MNAT1: variants seen among roughly 807,000 people sequenced by gnomAD.
MNAT1 encodes CDK-activating kinase assembly factor MAT1.
Under a neutral mutation model 42.0 loss-of-function variants are expected in MNAT1, and 43 were observed. The ratio of observed to expected loss-of-function variants is 1.02; its 90% CI spans 0.80 to 1.32. MNAT1 has a LOEUF of 1.32. Among genes scored for constraint, MNAT1 ranks in the 40% most tolerant of loss-of-function variants. MNAT1 has a pLI of 0.00. For missense variants in MNAT1, 306 were observed against 350.4 expected (o/e 0.87, Z 1.01); for synonymous variants, 118 against 120.0 (o/e 0.98, Z 0.11).
At chr14:60,936,738 C>A (rs2036006247) in intron 7 of MNAT1, among the ~76,000 whole-genome samples, 1 of 152,144 alleles carries the variant, frequency 6.6e-6, no homozygotes, top group African/African-American at 2.4e-5. Flanking sequence ...TGGGTATATA[C>A]CCAGTAATGG....
At chr14:60,774,621 A>G (rs1019472437) in intron 1 of MNAT1, among the ~76,000 whole-genome samples, 1 of 152,208 alleles carries the variant, frequency 6.6e-6, no homozygotes, top group Non-Finnish European at 1.5e-5. Context: ...CAGTTGGGAA[A>G]TCTTAGCAGT....
intron 6 of MNAT1, among the ~76,000 whole-genome samples, chr14:60,820,536 C>CTT (rs754720202): frequency 7.3e-6 from 1 of 136,666 alleles, no homozygotes; most frequent in African/African-American, 2.7e-5. Flanking sequence ...TCTTTTGCAA[C>CTT]TTTTTTTTTT....
intron 7 of MNAT1, among the ~76,000 whole-genome samples, chr14:60,885,999 G>A (rs898511506): frequency 2.0e-5 from 3 of 151,922 alleles, no homozygotes; most frequent in African/African-American, 7.2e-5. Context: ...TTCTCTCAGT[G>A]CCATTGACTA....
chr14:60,886,821 A>C (rs948978965), intron 7 of MNAT1, among the ~76,000 whole-genome samples: 1 of 152,108 alleles, frequency 6.6e-6, no homozygotes, highest in Non-Finnish European at 1.5e-5. Flanking sequence ...GCAGAGAGGC[A>C]TAATTTTACT....
At chr14:60,822,229 G>T (rs762086431) in intron 6 of MNAT1, among the ~76,000 whole-genome samples, 2 of 152,018 alleles carry the variant, frequency 1.3e-5, no homozygotes, top group African/African-American at 4.8e-5. Flanking sequence ...TCTGTGTTTC[G>T]TAATGTTCTA....
At chr14:60,844,271 A>G (rs916169004) in intron 6 of MNAT1, among the ~76,000 whole-genome samples, 4 of 152,146 alleles carry the variant, frequency 2.6e-5, no homozygotes, top group Admixed American at 1.3e-4. Context: ...AATTCTTGGT[A>G]AAAGTATAAT....
At chr14:60,790,599 A>G (rs2140321666) in intron 1 of MNAT1, among the ~76,000 whole-genome samples, 1 of 152,290 alleles carries the variant, frequency 6.6e-6, no homozygotes, top group Admixed American at 6.5e-5. Flanking sequence ...TCAATATAAA[A>G]TGTATAAAAG....
intron 7 of MNAT1, among the ~76,000 whole-genome samples, chr14:60,960,366 G>A (rs1318350538): frequency 2.0e-5 from 3 of 152,154 alleles, no homozygotes; most frequent in Admixed American, 1.3e-4. Flanking sequence ...CTAGGCCTCT[G>A]CCTTAGGCCC....
At chr14:60,748,531 C>T (rs1356768283) in intron 1 of MNAT1, among the ~76,000 whole-genome samples, 4 of 152,118 alleles carry the variant, frequency 2.6e-5, no homozygotes, top group Non-Finnish European at 5.9e-5. Context: ...ACACGTGGCC[C>T]TATTTTTGTT....
intron 5 of MNAT1, among the ~76,000 whole-genome samples, chr14:60,815,676 T>C (rs1008625523): frequency 6.6e-6 from 1 of 152,190 alleles, no homozygotes; most frequent in African/African-American, 2.4e-5. Context: ...GTGAGTTCTT[T>C]CTCCCACTTC....
At chr14:60,803,352 A>G (rs906695710) in intron 3 of MNAT1, among the ~76,000 whole-genome samples, 30 of 152,212 alleles carry the variant, frequency 2.0e-4, no homozygotes, top group African/African-American at 7.2e-4. Context: ...GAAGTATAAA[A>G]TGTTAATTTA....
At chr14:60,738,212 G>T in intron 1 of MNAT1, among the ~76,000 whole-genome samples, 1 of 148,746 alleles carries the variant, frequency 6.7e-6, no homozygotes, top group East Asian at 2.0e-4. Flanking sequence ...ATGTTTAAAA[G>T]CATCTTATCA....
At position 60,738,486 on chromosome 14, in the gene MNAT1, C is replaced by G. The variant is rs535549807; in HGVS notation, c.89+3535C>G. Among the ~76,000 whole-genome samples, 211 of 152,186 alleles carry G rather than the reference C, an allele frequency of 1.4e-3. 2 individuals carry two copies. Among genetic ancestry groups the G allele is most frequent in the Non-Finnish European group, 1.6e-4 (11 of 68,008 alleles). Reference sequence around the variant, plus strand: ...GGCCAGGCTGGTCTCGAACTACTGACTTCGTGATCCAGCCGCCTCGATCCT... The same window carrying G: ...GGCCAGGCTGGTCTCGAACTACTGAGTTCGTGATCCAGCCGCCTCGATCCT... On this transcript the variant is annotated intron_variant, in intron 1 of 7. Transcript: ENST00000261245.
At chr14:60,905,569 T>C (rs1413286132) in intron 7 of MNAT1, among the ~76,000 whole-genome samples, 1 of 152,082 alleles carries the variant, frequency 6.6e-6, no homozygotes, top group Non-Finnish European at 1.5e-5. Context: ...TCACGCTGAA[T>C]CCAAAGGCCT....
chr14:60,942,254 C>T (rs146496850), intron 7 of MNAT1, among the ~76,000 whole-genome samples: 1,613 of 152,156 alleles, frequency 0.011, 30 homozygotes, highest in South Asian at 0.059. Context: ...CCATTTGTTG[C>T]TGCTGCTGCT....
chr14:60,790,074 A>T (rs1204333506), intron 1 of MNAT1, among the ~76,000 whole-genome samples: 2 of 152,158 alleles, frequency 1.3e-5, no homozygotes, highest in Non-Finnish European at 2.9e-5. Flanking sequence ...GATATCAAAG[A>T]GTAATTGTGC....
chr14:60,759,726 AC>A (rs2030517238), intron 1 of MNAT1, among the ~76,000 whole-genome samples: 1 of 152,196 alleles, frequency 6.6e-6, no homozygotes, highest in Admixed American at 6.5e-5. Context: ...GGTATACTGT[AC>A]TTAATCTTTG....
chr14:60,799,132 A>C, intron 3 of MNAT1: 1 of 521,124 alleles, frequency 1.9e-6, no homozygotes, highest in Non-Finnish European at 2.5e-6. Context: ...GTCTAAGTTC[A>C]TTTGTTATGC....
chr14:60,834,865 A>G (rs1182200438), intron 6 of MNAT1, among the ~76,000 whole-genome samples: 2 of 151,884 alleles, frequency 1.3e-5, no homozygotes, highest in African/African-American at 4.8e-5. Context: ...TTGGGTGCAT[A>G]TATATTTAGG....
Sources: gnomAD v4.1 joint callset for allele counts (sites outside exome capture counted in the v4.1 genomes callset) on GRCh38, gnomAD v4.1.1 for gene constraint, MANE v1.5 for transcripts, NCBI Gene and HGNC (gene_info 2026-07-23, HGNC 2026-07-21) for gene names.